FOXN3: variants seen among roughly 807,000 people sequenced by gnomAD.
FOXN3 encodes forkhead box N3, also known as forkhead box protein N3.
Under a neutral mutation model 38.4 loss-of-function variants are expected in FOXN3, and 7 were observed. The observed-to-expected ratio is 0.18, with a 90% CI of 0.10 to 0.34. The LOEUF is 0.34. Among genes scored for constraint, FOXN3 ranks in the 10% least tolerant of loss-of-function variants. The pLI is 1.00. For synonymous variants in FOXN3, 230 were observed against 242.2 expected, an observed-to-expected ratio of 0.95 and a Z score of 0.47; for missense variants, 456 against 613.4, an observed-to-expected ratio of 0.74 and a Z score of 2.71.
intron 2 of FOXN3, among the ~76,000 whole-genome samples, chr14:89,410,884 AG>A (rs1355163269): frequency 1.1e-4 from 17 of 148,328 alleles, no homozygotes; most frequent in South Asian, 2.1e-4. Flanking sequence ...AAAAAAAAAG[AG>A]GAAAAAAAAG....
Position 89,164,389 on chromosome 14 carries a change from C to T in FOXN3, c.852-1420G>A, listed in dbSNP as rs1423068310. Among the ~76,000 whole-genome samples, 2 of 152,186 alleles carry T rather than the reference C, an allele frequency of 1.3e-5. No homozygotes were observed. Among genetic ancestry groups the T allele is most frequent in the African/African-American group, 4.8e-5 (2 of 41,444 alleles). Reference sequence around the variant, plus strand: ...CCATGCTGGCCCGGTTTCCTGTAAGCTCATCTACCTCGTGATCCATTTCTA... The same window carrying T: ...CCATGCTGGCCCGGTTTCCTGTAAGTTCATCTACCTCGTGATCCATTTCTA... On this transcript the variant is annotated intron_variant, in intron 5 of 5. Coordinates refer to ENST00000557258, the MANE Select transcript of FOXN3 (RefSeq NM_005197.4). The surrounding 1 kb of genome is among the most constrained non-coding windows in gnomAD (Gnocchi z 4.3).
At chr14:89,189,605 G>C (rs919625865) in intron 4 of FOXN3, among the ~76,000 whole-genome samples, 1 of 152,232 alleles carries the variant, frequency 6.6e-6, no homozygotes, top group Non-Finnish European at 1.5e-5. Flanking sequence ...TACTGACCTC[G>C]AGTGGGGAGA....
intron 5 of FOXN3, among the ~76,000 whole-genome samples, chr14:89,171,723 G>A (rs568597559): frequency 6.6e-6 from 1 of 152,200 alleles, no homozygotes; most frequent in East Asian, 1.9e-4. Context: ...AGCAAAGTAT[G>A]AATAGAATAA....
chr14:89,602,430 A>C (rs1896171358), intron 1 of FOXN3, among the ~76,000 whole-genome samples: 1 of 152,188 alleles, frequency 6.6e-6, no homozygotes, highest in Admixed American at 6.5e-5. Flanking sequence ...TCAGGCATTC[A>C]GAGGCTTAAT....
intron 5 of FOXN3, among the ~76,000 whole-genome samples, chr14:89,170,064 T>C (rs1887348547): frequency 6.6e-6 from 1 of 152,184 alleles, no homozygotes; most frequent in Non-Finnish European, 1.5e-5. Flanking sequence ...TATGCTGGTA[T>C]AGCAATATTA....
At position 89,412,728 on chromosome 14, in the gene FOXN3, A is replaced by G. The variant is rs1185323295; in HGVS notation, c.-14-238T>C. Among the ~76,000 whole-genome samples, 1 of 152,186 alleles carries G rather than the reference A, an allele frequency of 6.6e-6. No homozygotes were observed. The highest frequency in any genetic ancestry group is 1.5e-5 in the Non-Finnish European group (1 of 68,030). ...ATAGCAAGGTGACCTGATGCCCCTT[A>G]AATAAAATAAGACCAGTAACACCGG... On this transcript the variant is annotated intron_variant, in intron 1 of 5. Transcript: ENST00000557258. This position sits in a 1 kb window ranked among gnomAD's most constrained non-coding sequence, Gnocchi z 4.7.
intron 4 of FOXN3, among the ~76,000 whole-genome samples, chr14:89,251,086 G>A (rs891007562): frequency 6.6e-6 from 1 of 152,204 alleles, no homozygotes; most frequent in Non-Finnish European, 1.5e-5. Flanking sequence ...AATGGCTGAA[G>A]AAAAAGATTA....
intron 1 of FOXN3, among the ~76,000 whole-genome samples, chr14:89,428,786 C>A (rs144947917): frequency 6.6e-6 from 1 of 152,214 alleles, no homozygotes; most frequent in Non-Finnish European, 1.5e-5. Flanking sequence ...AGGCACCCTG[C>A]GCAGGCCTCC....
intron 3 of FOXN3, among the ~76,000 whole-genome samples, chr14:89,285,766 G>A (rs1042416221): frequency 2.4e-4 from 36 of 152,058 alleles, no homozygotes; most frequent in African/African-American, 8.7e-4. Flanking sequence ...AAAGAGTTCC[G>A]GAGGTTGGTT....
intron 1 of FOXN3, among the ~76,000 whole-genome samples, chr14:89,618,775 C>CTTTTT (rs10649488): frequency 6.9e-6 from 1 of 145,594 alleles, no homozygotes; most frequent in Non-Finnish European, 1.5e-5. Flanking sequence ...TCCTAAGAAA[C>CTTTTT]TTTTTTTTTT....
At chr14:89,295,284 C>G (rs2139939087) in intron 3 of FOXN3, among the ~76,000 whole-genome samples, 1 of 152,298 alleles carries the variant, frequency 6.6e-6, no homozygotes, top group East Asian at 1.9e-4. Context: ...ACCCTACAAC[C>G]TCTCCCTCCT....
upstream of FOXN3, among the ~76,000 whole-genome samples, chr14:89,420,219 G>A (rs61129297): frequency 0.12 from 18,330 of 152,226 alleles, 1,195 homozygotes; most frequent in South Asian, 0.26. Flanking sequence ...ACTGCCTCAA[G>A]CCTTCCATGA....
At chr14:89,349,085 G>C (rs1055921707) in intron 3 of FOXN3, among the ~76,000 whole-genome samples, 1 of 152,022 alleles carries the variant, frequency 6.6e-6, no homozygotes, top group Non-Finnish European at 1.5e-5. Context: ...CGGGGGGTGG[G>C]GGTAGAATGA....
At chr14:89,372,635 T>C (rs151082465) in intron 2 of FOXN3, among the ~76,000 whole-genome samples, 1 of 152,236 alleles carries the variant, frequency 6.6e-6, no homozygotes, top group East Asian at 1.9e-4. Flanking sequence ...ACCACTGTTG[T>C]TATTTACTAG....
chr14:89,379,617 CATTTT>C (rs1183299217), intron 2 of FOXN3, among the ~76,000 whole-genome samples: 1 of 152,062 alleles, frequency 6.6e-6, no homozygotes, highest in Non-Finnish European at 1.5e-5. Flanking sequence ...AAGCTCAATT[CATTTT>C]ATTTTATTTT....
intron 2 of FOXN3, among the ~76,000 whole-genome samples, chr14:89,404,788 G>A (rs1383907247): frequency 6.6e-6 from 1 of 152,024 alleles, no homozygotes; most frequent in Non-Finnish European, 1.5e-5. Context: ...GCAGCCCCAG[G>A]TCGAGGATGA....
intron 3 of FOXN3, among the ~76,000 whole-genome samples, chr14:89,339,265 C>T (rs1024034933): frequency 7.9e-5 from 12 of 152,178 alleles, no homozygotes; most frequent in Non-Finnish European, 1.6e-4. Flanking sequence ...TGAGCCACCA[C>T]GCCCAGCCTA....
intron 4 of FOXN3, among the ~76,000 whole-genome samples, chr14:89,224,048 C>T (rs922708567): frequency 1.1e-4 from 16 of 151,744 alleles, no homozygotes; most frequent in African/African-American, 3.7e-4. Flanking sequence ...TAAAATGTGG[C>T]ATTAAATAAT....
At chr14:89,600,621 T>C (rs1190874223) in intron 1 of FOXN3, among the ~76,000 whole-genome samples, 1 of 152,228 alleles carries the variant, frequency 6.6e-6, no homozygotes, top group East Asian at 1.9e-4. Context: ...CCCTTTATGG[T>C]GACTGAATTA....
Sources: gnomAD v4.1 joint callset for allele counts (sites outside exome capture counted in the v4.1 genomes callset) on GRCh38, gnomAD v4.1.1 for gene constraint, Gnocchi (gnomAD v3.1) non-coding constraint, MANE v1.5 for transcripts, NCBI Gene and HGNC (gene_info 2026-07-23, HGNC 2026-07-21) for gene names.